ELAPOR1: variants seen among roughly 807,000 people sequenced by gnomAD.
The protein encoded by ELAPOR1 is endosome-lysosome associated apoptosis and autophagy regulator 1, also known as endosome/lysosome-associated apoptosis and autophagy regulator 1.
ELAPOR1 carries 77 observed loss-of-function variants against 119.7 expected under a neutral mutation model. That is an observed-to-expected ratio of 0.64 (90% confidence interval 0.54 to 0.78). The LOEUF is 0.78. Among genes scored for constraint, ELAPOR1 ranks in the 30% least tolerant of loss-of-function variants. The pLI, the probability that ELAPOR1 is intolerant of heterozygous loss-of-function variation, is 0.00. For synonymous variants in ELAPOR1, 481 were observed against 487.2 expected (o/e 0.99, Z 0.17); for missense variants, 1,115 against 1,270.4 (o/e 0.88, Z 1.86).
At chr1:109,153,616 G>GTTT (rs1650670111) in intron 1 of ELAPOR1, among the ~76,000 whole-genome samples, 1 of 148,352 alleles carries the variant, frequency 6.7e-6, no homozygotes, top group African/African-American at 2.5e-5. Context: ...CTTGTGGCAG[G>GTTT]TGTTTTGTTT....
intron 1 of ELAPOR1, among the ~76,000 whole-genome samples, chr1:109,148,543 G>A (rs1650329946): frequency 6.6e-6 from 1 of 152,242 alleles, no homozygotes; most frequent in South Asian, 2.1e-4. Context: ...TGGAGAAACA[G>A]TGCTATAGGA....
intron 1 of ELAPOR1, among the ~76,000 whole-genome samples, chr1:109,139,799 TCTCA>T (rs1649715230): frequency 1.3e-5 from 2 of 152,100 alleles, no homozygotes; most frequent in Admixed American, 1.3e-4. Flanking sequence ...TGAGACAGGG[TCTCA>T]CTCTGTTACC....
chr1:109,129,693 C>T (rs1440539520), intron 1 of ELAPOR1, among the ~76,000 whole-genome samples: 1 of 152,138 alleles, frequency 6.6e-6, no homozygotes, highest in Non-Finnish European at 1.5e-5. Context: ...GGGCTTCATA[C>T]CCCAGTTGGA....
Position 109,203,983 on chromosome 1 carries a change from G to A in ELAPOR1, c.*971G>A, listed in dbSNP as rs1410719921. On this transcript the variant is annotated 3_prime_UTR_variant, in exon 22 of 22. Transcript: ENST00000369939. ...CTGTCACCTAGGCTGGAGTGCAGTG[G>A]CATAATCACTGTTCAGTGCAGCCTC... 6 of 152,044 alleles carry A rather than the reference G, an allele frequency of 3.9e-5. No homozygotes were observed. The highest frequency in any genetic ancestry group is 1.4e-4 in the African/African-American group (6 of 41,386). 9.4% of individuals were successfully genotyped at this position (152,044 alleles called of 1,614,324 possible). A position where few individuals can be genotyped will look rare whatever the true frequency, so the allele number is the denominator to read the frequency against.
At chr1:109,173,201 G>A (rs1652032282) in intron 5 of ELAPOR1, among the ~76,000 whole-genome samples, 1 of 151,952 alleles carries the variant, frequency 6.6e-6, no homozygotes, top group Non-Finnish European at 1.5e-5. Context: ...CTGTTGTCAG[G>A]ACCCTCAGGT....
chr1:109,145,422 G>A (rs981399180), intron 1 of ELAPOR1, among the ~76,000 whole-genome samples: 15 of 152,136 alleles, frequency 9.9e-5, no homozygotes, highest in Non-Finnish European at 1.9e-4. Flanking sequence ...TTGGGAGGCC[G>A]AGATGGGCCT....
chr1:109,139,281 C>T (rs1330001332), intron 1 of ELAPOR1, among the ~76,000 whole-genome samples: 9 of 151,944 alleles, frequency 5.9e-5, no homozygotes, highest in Admixed American at 5.9e-4. Context: ...GCTGTGGCTA[C>T]CATGAGCCAT....
At chr1:109,177,168 C>T (rs1438449079) in intron 7 of ELAPOR1, among the ~76,000 whole-genome samples, 1 of 150,458 alleles carries the variant, frequency 6.6e-6, no homozygotes, top group East Asian at 2.0e-4. Context: ...CTCCTCACTT[C>T]CCAGTAGGGG....
intron 3 of ELAPOR1, among the ~76,000 whole-genome samples, chr1:109,171,252 T>C (rs985366333): frequency 3.3e-5 from 5 of 152,088 alleles, no homozygotes; most frequent in African/African-American, 1.2e-4. Flanking sequence ...AACCAATAAA[T>C]GTTACCCCTC....
intron 1 of ELAPOR1, among the ~76,000 whole-genome samples, chr1:109,115,486 C>A (rs1349830360): frequency 6.6e-6 from 1 of 152,100 alleles, no homozygotes; most frequent in Non-Finnish European, 1.5e-5. Flanking sequence ...CGATATACTG[C>A]CCCGGCCAGT....
intron 2 of ELAPOR1, among the ~76,000 whole-genome samples, chr1:109,162,579 T>TA (rs1243268831): frequency 6.6e-6 from 1 of 152,212 alleles, no homozygotes; most frequent in Non-Finnish European, 1.5e-5. Context: ...ACAACTTTTC[T>TA]ACAATTGGCA....
intron 1 of ELAPOR1, among the ~76,000 whole-genome samples, chr1:109,130,043 G>A (rs1649052360): frequency 6.6e-6 from 1 of 152,178 alleles, no homozygotes; most frequent in Admixed American, 6.5e-5. Flanking sequence ...TTGGCTTACA[G>A]CTCCATCACT....
intron 8 of ELAPOR1, chr1:109,187,368 G>A (rs1237091260): frequency 2.0e-6 from 2 of 985,460 alleles, no homozygotes; most frequent in Non-Finnish European, 2.4e-6. Context: ...AGGAGCCCAG[G>A]GCTCCCCATC....
chr1:109,183,767 C>T (rs1157910939), intron 7 of ELAPOR1, among the ~76,000 whole-genome samples: 2 of 152,008 alleles, frequency 1.3e-5, no homozygotes, highest in Non-Finnish European at 2.9e-5. Context: ...TAGGCCTGCA[C>T]CACCACGCCC....
chr1:109,198,552 G>A, intron 17 of ELAPOR1, 21 bp from the exon 18 acceptor site: 2 of 1,603,372 alleles, frequency 1.2e-6, no homozygotes, highest in Non-Finnish European at 1.7e-6. Flanking sequence ...ATTCCCTCAT[G>A]GGGGCTGGCT....
chr1:109,164,671 G>A lies in ELAPOR1; in HGVS notation c.447G>A (p.Glu149=). ...TGGAGCTGGATGACAGTGCTGCTGA[G>A]TCCACCGGGAACTGTACTTCGTGAG... is the stretch of plus-strand genomic sequence containing the variant. The part of the protein sequence containing the change: ...ANMELDDSAA[E]STGNCTSSKW... The change falls in exon 3 of 22, where the codon GAG becomes GAA. Residue 149 remains glutamate (E), a synonymous_variant. Coordinates refer to ENST00000369939, the MANE Select transcript of ELAPOR1 (RefSeq NM_020775.5). 1.9e-6 allele frequency: 3 copies of A among 1,614,030 alleles called. No individual in the cohort carries two copies. Among genetic ancestry groups the A allele is most frequent in the Non-Finnish European group, 2.5e-6 (3 of 1,179,930 alleles).
chr1:109,155,386 G>A (rs1274742470), intron 1 of ELAPOR1, among the ~76,000 whole-genome samples: 2 of 152,032 alleles, frequency 1.3e-5, no homozygotes, highest in Non-Finnish European at 2.9e-5. Context: ...CACCGTGTTA[G>A]CCAGGATGGT....
chr1:109,191,363 C>G lies in ELAPOR1; in HGVS notation c.1440-3C>G. 13 of 1,611,676 alleles carry G rather than the reference C, an allele frequency of 8.1e-6. No homozygotes were observed. The highest frequency in any genetic ancestry group is 1.1e-5 in the Non-Finnish European group (13 of 1,177,776). On this transcript the variant is annotated splice_region_variant and splice_polypyrimidine_tract_variant and intron_variant, in intron 11 of 21. Coordinates refer to ENST00000369939, the MANE Select transcript of ELAPOR1 (RefSeq NM_020775.5). The stretch of plus-strand genomic sequence containing the variant: ...AACTGACTTTTAATTTCTGCCCCTA[C>G]AGACCTCCGCAGTCGGTGATGGCAG...
chr1:109,192,616 G>T lies in ELAPOR1; in HGVS notation c.1689G>T (p.Arg563Ser). 1 of 1,613,900 alleles carries T rather than the reference G, an allele frequency of 6.2e-7. No individual in the cohort carries two copies. Among genetic ancestry groups the T allele is most frequent in the Non-Finnish European group, 8.5e-7 (1 of 1,179,962 alleles). Residue 563 changes from arginine (R) to serine (S), a missense_variant, in exon 14 of 22, where the codon AGG (arginine) becomes AGT (serine). Coordinates refer to ENST00000369939, the MANE Select transcript of ELAPOR1 (RefSeq NM_020775.5). ...FQRTTFHEAS[R>S]KYTNDVAKIY... ...TCTTGTTTCCTTGTCTCCAGAGCAG[G>T]AAGTACACCAATGACGTTGCCAAGA... is the stretch of plus-strand genomic sequence containing the variant.
Sources: allele counts gnomAD v4.1 joint callset (sites outside exome capture counted in the v4.1 genomes callset), GRCh38; gene constraint gnomAD v4.1.1; transcripts MANE v1.5; gene names NCBI Gene and HGNC (gene_info 2026-07-23, HGNC 2026-07-21).